Variants in ADGRB3 observed in about 807,000 individuals in gnomAD.
ADGRB3 encodes brain-specific angiogenesis inhibitor 3.
A neutral mutation model predicts 193.4 loss-of-function variants in ADGRB3; 37 were observed. The observed-to-expected ratio is 0.19, with a 90% CI of 0.15 to 0.25. The LOEUF (loss-of-function observed/expected upper bound fraction) is 0.25. ADGRB3 is among the 10% of genes least tolerant of loss of function. ADGRB3 has a pLI of 1.00. For missense variants in ADGRB3, 1,637 were observed against 1,852.9 expected, an observed-to-expected ratio of 0.88 and a Z score of 2.14; for synonymous variants, 690 against 644.2, an observed-to-expected ratio of 1.07 and a Z score of -1.08.
At chr6:68,886,017 A>G (rs946723039) in intron 3 of ADGRB3, among the ~76,000 whole-genome samples, 1 of 152,200 alleles carries the variant, frequency 6.6e-6, no homozygotes, top group African/African-American at 2.4e-5. Flanking sequence ...ATTTGGATAT[A>G]GACCCTCAAG....
chr6:68,751,922 G>A (rs761594716), intron 3 of ADGRB3, among the ~76,000 whole-genome samples: 3 of 152,138 alleles, frequency 2.0e-5, no homozygotes, highest in Admixed American at 6.6e-5. Flanking sequence ...GTGATATAGT[G>A]ATATTAATAA....
At chr6:68,864,366 C>T (rs1765234314) in intron 3 of ADGRB3, among the ~76,000 whole-genome samples, 1 of 152,144 alleles carries the variant, frequency 6.6e-6, no homozygotes, top group African/African-American at 2.4e-5. Context: ...GAGCTGAGGT[C>T]ACGGTGGCCA....
intron 17 of ADGRB3, among the ~76,000 whole-genome samples, chr6:69,176,325 T>G (rs1016603130): frequency 1.3e-5 from 2 of 152,244 alleles, no homozygotes; most frequent in African/African-American, 4.8e-5. Flanking sequence ...ATGTCTAGTT[T>G]CTTCAGAGCT....
At chr6:68,827,561 A>G (rs1767868148) in intron 3 of ADGRB3, among the ~76,000 whole-genome samples, 1 of 151,996 alleles carries the variant, frequency 6.6e-6, no homozygotes, top group South Asian at 2.1e-4. Flanking sequence ...TCCGGAATAG[A>G]TGAGAAAGGA....
At chr6:68,797,418 A>G (rs1767231252) in intron 3 of ADGRB3, among the ~76,000 whole-genome samples, 1 of 152,062 alleles carries the variant, frequency 6.6e-6, no homozygotes, top group South Asian at 2.1e-4. Context: ...AAAAAAAAAA[A>G]AGGATGTACT....
At chr6:69,279,313 A>C (rs1479411194) in intron 20 of ADGRB3, among the ~76,000 whole-genome samples, 2 of 151,762 alleles carry the variant, frequency 1.3e-5, no homozygotes, top group Non-Finnish European at 2.9e-5. Context: ...TGCACTACGG[A>C]GTATCAGTTG....
chr6:68,701,278 A>T lies in ADGRB3; in HGVS notation c.757+61846A>T, dbSNP rs114722633. ...ATCAATTCCATTGCCTCGATATTTCATAGCCACTGACTGAAACATAGCCTC... is the reference window on the plus strand; with the variant it reads ...ATCAATTCCATTGCCTCGATATTTCTTAGCCACTGACTGAAACATAGCCTC... On this transcript the variant is annotated intron_variant, in intron 3 of 31. Coordinates refer to ENST00000370598, the MANE Select transcript of ADGRB3 (RefSeq NM_001704.3). Among the ~76,000 whole-genome samples, 292 of 152,278 alleles carry T rather than the reference A, an allele frequency of 1.9e-3. 3 individuals carry two copies. Among genetic ancestry groups the T allele is most frequent in the African/African-American group, 6.8e-3 (282 of 41,566 alleles).
intron 3 of ADGRB3, among the ~76,000 whole-genome samples, chr6:68,795,174 C>T (rs545419905): frequency 6.6e-6 from 1 of 151,928 alleles, no homozygotes; most frequent in South Asian, 2.1e-4. Flanking sequence ...GTGATATTAG[C>T]TATGTGCTGG....
At chr6:69,321,521 C>G (rs899029960) in intron 20 of ADGRB3, among the ~76,000 whole-genome samples, 1 of 151,688 alleles carries the variant, frequency 6.6e-6, no homozygotes, top group African/African-American at 2.4e-5. Context: ...GATAATTGAA[C>G]AGTTGCCAAG....
intron 3 of ADGRB3, among the ~76,000 whole-genome samples, chr6:68,730,320 G>T (rs1765748602): frequency 6.6e-6 from 1 of 151,440 alleles, no homozygotes; most frequent in African/African-American, 2.4e-5. Context: ...CCAATAAGGG[G>T]AATAACACTT....
chr6:69,331,712 G>T (rs2127314200), intron 23 of ADGRB3: 1 of 985,252 alleles, frequency 1.0e-6, no homozygotes. Flanking sequence ...AAGCTTCTAG[G>T]TTAATGCCAA....
At chr6:68,826,975 G>A (rs181818156) in intron 3 of ADGRB3, among the ~76,000 whole-genome samples, 1 of 152,140 alleles carries the variant, frequency 6.6e-6, no homozygotes, top group East Asian at 1.9e-4. Context: ...AAACAGAAAG[G>A]TAGTTCCAAG....
chr6:69,246,190 C>T (rs982286087), intron 20 of ADGRB3, among the ~76,000 whole-genome samples: 3 of 152,020 alleles, frequency 2.0e-5, no homozygotes, highest in East Asian at 1.9e-4. Flanking sequence ...AAGAAATGTG[C>T]GTAGTTACAA....
chr6:69,016,902 C>T (rs1770108693), intron 12 of ADGRB3, among the ~76,000 whole-genome samples: 1 of 151,830 alleles, frequency 6.6e-6, no homozygotes, highest in Non-Finnish European at 1.5e-5. Flanking sequence ...GTATTTATTA[C>T]ACTACACATA....
intron 20 of ADGRB3, among the ~76,000 whole-genome samples, chr6:69,306,207 G>A (rs960827672): frequency 6.6e-6 from 1 of 151,332 alleles, no homozygotes; most frequent in East Asian, 1.9e-4. Context: ...TTATACTGTA[G>A]AAATTTAGAA....
intron 3 of ADGRB3, among the ~76,000 whole-genome samples, chr6:68,904,011 GAGA>G (rs1241847489): frequency 1.1e-4 from 14 of 133,136 alleles, no homozygotes; most frequent in Non-Finnish European, 2.2e-4. Context: ...AAAAAAAGGG[GAGA>G]AGAAGAGAGA....
At chr6:69,297,051 CT>C (rs1229283159) in intron 20 of ADGRB3, among the ~76,000 whole-genome samples, 1 of 152,100 alleles carries the variant, frequency 6.6e-6, no homozygotes, top group African/African-American at 2.4e-5. Flanking sequence ...CTTTCTCAGA[CT>C]TTTACTCCAG....
At chr6:68,762,150 A>G (rs761605917) in intron 3 of ADGRB3, among the ~76,000 whole-genome samples, 2 of 152,086 alleles carry the variant, frequency 1.3e-5, no homozygotes, top group Non-Finnish European at 2.9e-5. Context: ...AGTATTTTAA[A>G]GGTCATCTTT....
intron 3 of ADGRB3, among the ~76,000 whole-genome samples, chr6:68,864,320 G>A (rs1196456501): frequency 6.6e-6 from 1 of 152,146 alleles, no homozygotes; most frequent in African/African-American, 2.4e-5. Flanking sequence ...ATAATCCCCT[G>A]TATATCCTCT....
Sources: allele counts gnomAD v4.1 joint callset (sites outside exome capture counted in the v4.1 genomes callset), GRCh38; gene constraint gnomAD v4.1.1; transcripts MANE v1.5; gene names NCBI Gene and HGNC (gene_info 2026-07-23, HGNC 2026-07-21).